DCLK2: variants seen among roughly 807,000 people sequenced by gnomAD.
DCLK2 encodes the protein serine/threonine-protein kinase DCLK2.
In DCLK2, 31 loss-of-function variants were observed where a neutral mutation model predicts 78.4. The ratio of observed to expected loss-of-function variants is 0.40; its 90% CI spans 0.30 to 0.53. The LOEUF is 0.53. Ranked by LOEUF, DCLK2 falls within the 20% of genes least tolerant of loss-of-function variation. The pLI, the probability that DCLK2 is intolerant of heterozygous loss-of-function variation, is 0.61. For synonymous variants in DCLK2, 407 were observed against 374.9 expected (o/e 1.09, Z -0.99); for missense variants, 872 against 973.7 (o/e 0.90, Z 1.39).
At chr4:150,126,037 G>A (rs186419561) in intron 2 of DCLK2, among the ~76,000 whole-genome samples, 2 of 152,232 alleles carry the variant, frequency 1.3e-5, no homozygotes, top group Non-Finnish European at 2.9e-5. Context: ...TTACAGTTAT[G>A]CAATAAATTA....
intron 2 of DCLK2, among the ~76,000 whole-genome samples, chr4:150,160,840 T>C (rs762371646): frequency 1.3e-5 from 2 of 152,180 alleles, no homozygotes; most frequent in African/African-American, 2.4e-5. Context: ...AGAAATCCTC[T>C]GCCCCAGTGC....
At chr4:150,235,634 A>G (rs1476982009) in intron 10 of DCLK2, among the ~76,000 whole-genome samples, 2 of 152,212 alleles carry the variant, frequency 1.3e-5, no homozygotes, top group East Asian at 3.8e-4. Flanking sequence ...ATAGCCTCAT[A>G]TATCTCAGTA....
intron 1 of DCLK2, among the ~76,000 whole-genome samples, chr4:150,080,495 A>G (rs1729180321): frequency 6.6e-6 from 1 of 152,246 alleles, no homozygotes; most frequent in Non-Finnish European, 1.5e-5. Context: ...CTGCGTGTTT[A>G]CATACAGTCC....
At chr4:150,173,991 CT>C (rs1230262684) in intron 2 of DCLK2, among the ~76,000 whole-genome samples, 3 of 152,182 alleles carry the variant, frequency 2.0e-5, no homozygotes, top group African/African-American at 7.2e-5. Flanking sequence ...ATTAATCCCA[CT>C]GTACTGAAGG....
At chr4:150,245,216 GC>G (rs1048847095) in intron 12 of DCLK2, among the ~76,000 whole-genome samples, 4 of 152,126 alleles carry the variant, frequency 2.6e-5, no homozygotes, top group Non-Finnish European at 5.9e-5. Flanking sequence ...ACTAAGAAAC[GC>G]GTGTGCATTC....
rs35729685 is a variant in DCLK2 at position 150,136,979 on chromosome 4, C to CTTTTTTTTTTTTTTTTTTTTTTTTT, written c.756+34189_756+34190insTTTTTTTTTTTTTTTTTTTTTTTTT. 1.5e-4 allele frequency among the ~76,000 whole-genome samples: 12 copies of CTTTTTTTTTTTTTTTTTTTTTTTTT among 82,404 alleles called. 1 individual carries two copies. Among genetic ancestry groups the CTTTTTTTTTTTTTTTTTTTTTTTTT allele is most frequent in the South Asian group, 6.4e-4 (1 of 1,554 alleles). The allele number at this position is 82,404 out of a possible 152,430, so 54.1% of individuals were successfully genotyped here. ...TTCTCATCTTTTTCTTCTTCTTCTT[C>CTTTTTTTTTTTTTTTTTTTTTTTTT]TTTTTTTTTTTTTTTTTTTTTTGAG... On this transcript the variant is annotated intron_variant, in intron 2 of 15. Transcript: ENST00000296550.
intron 3 of DCLK2, among the ~76,000 whole-genome samples, chr4:150,196,539 C>T (rs1217376622): frequency 1.3e-5 from 2 of 152,002 alleles, no homozygotes; most frequent in East Asian, 3.8e-4. Context: ...AAAATTAATC[C>T]ACATTTTAAA....
At chr4:150,093,574 G>A (rs1023142864) in intron 1 of DCLK2, among the ~76,000 whole-genome samples, 1 of 152,178 alleles carries the variant, frequency 6.6e-6, no homozygotes, top group Non-Finnish European at 1.5e-5. Flanking sequence ...TAGAGACAGA[G>A]TTTTGCCATG....
At chr4:150,177,776 T>G (rs1737197942) in intron 2 of DCLK2, among the ~76,000 whole-genome samples, 1 of 152,196 alleles carries the variant, frequency 6.6e-6, no homozygotes, top group South Asian at 2.1e-4. Context: ...CATAAAAGTT[T>G]TGAAACATAC....
At chr4:150,176,915 G>A (rs1032883156) in intron 2 of DCLK2, among the ~76,000 whole-genome samples, 1 of 152,140 alleles carries the variant, frequency 6.6e-6, no homozygotes, top group Non-Finnish European at 1.5e-5. Context: ...CCCAGTCCCA[G>A]TTTAATTGAC....
At chr4:150,094,958 G>A (rs955726537) in intron 1 of DCLK2, among the ~76,000 whole-genome samples, 19 of 151,998 alleles carry the variant, frequency 1.3e-4, no homozygotes, top group African/African-American at 4.6e-4. Flanking sequence ...GTGAGGCTTG[G>A]GTGTCTGTAC....
At chr4:150,155,888 A>T (rs1018766649) in intron 2 of DCLK2, among the ~76,000 whole-genome samples, 1 of 152,190 alleles carries the variant, frequency 6.6e-6, no homozygotes, top group African/African-American at 2.4e-5. Context: ...ATCTGTACAG[A>T]TGTAAAGCAG....
chr4:150,235,263 T>C (rs576639153), intron 10 of DCLK2, among the ~76,000 whole-genome samples: 2 of 152,220 alleles, frequency 1.3e-5, no homozygotes, highest in East Asian at 3.9e-4. Context: ...CCACTCAGAG[T>C]TTCTTAATGT....
chr4:150,200,143 A>G (rs1343098735), intron 4 of DCLK2, among the ~76,000 whole-genome samples: 1 of 152,236 alleles, frequency 6.6e-6, no homozygotes, highest in African/African-American at 2.4e-5. Context: ...TCATAGCCAC[A>G]TTTGTCCTGC....
chr4:150,204,301 A>G (rs1739677846), intron 5 of DCLK2, among the ~76,000 whole-genome samples: 1 of 152,206 alleles, frequency 6.6e-6, no homozygotes, highest in Non-Finnish European at 1.5e-5. Flanking sequence ...TCAAAAGCCT[A>G]AAATGAAGTG....
chr4:150,140,116 G>A (rs556793087), intron 2 of DCLK2, among the ~76,000 whole-genome samples: 3 of 152,226 alleles, frequency 2.0e-5, no homozygotes, highest in Non-Finnish European at 4.4e-5. Context: ...GGGGAATGTA[G>A]AATCTAATTT....
intron 2 of DCLK2, among the ~76,000 whole-genome samples, chr4:150,118,424 A>G (rs1044724953): frequency 1.6e-4 from 25 of 152,354 alleles, no homozygotes; most frequent in African/African-American, 5.5e-4. Flanking sequence ...TGACCCTTAG[A>G]GTTATTTTAT....
chr4:150,127,370 T>C (rs1732994359), intron 2 of DCLK2, among the ~76,000 whole-genome samples: 1 of 152,342 alleles, frequency 6.6e-6, no homozygotes, highest in Admixed American at 6.5e-5. Context: ...ATTTATTAAC[T>C]TGATAAGGAA....
At chr4:150,120,996 G>C (rs933605755) in intron 2 of DCLK2, among the ~76,000 whole-genome samples, 1 of 152,094 alleles carries the variant, frequency 6.6e-6, no homozygotes, top group Non-Finnish European at 1.5e-5. Flanking sequence ...ACTTATACCT[G>C]GGGGGCAGAG....
Sources: gnomAD v4.1 joint callset for allele counts (sites outside exome capture counted in the v4.1 genomes callset) on GRCh38, gnomAD v4.1.1 for gene constraint, MANE v1.5 for transcripts, NCBI Gene and HGNC (gene_info 2026-07-23, HGNC 2026-07-21) for gene names.